Variants in ANKHD1 observed in about 807,000 individuals in gnomAD.
ANKHD1 encodes ankyrin repeat and KH domain containing 1, also known as ankyrin repeat and KH domain-containing protein 1.
In ANKHD1, 31 loss-of-function variants were observed where a neutral mutation model predicts 230.5. The ratio of observed to expected loss-of-function variants is 0.13; its 90% CI spans 0.10 to 0.18. The LOEUF (loss-of-function observed/expected upper bound fraction) is 0.18, where lower values mean the gene tolerates loss of function less well. ANKHD1 is among the 10% of genes least tolerant of loss of function. The pLI is 1.00. For missense variants in ANKHD1, 2,256 were observed against 3,071.3 expected, an observed-to-expected ratio of 0.73 and a Z score of 6.27; for synonymous variants, 1,074 against 1,117.6, an observed-to-expected ratio of 0.96 and a Z score of 0.78.
rs1356380706 is a variant in ANKHD1, at chr5:140,458,976, ATATG to A, written c.1480+115_1480+118del. 60 of 19,710 alleles carry A rather than the reference ATATG, an allele frequency of 3.0e-3. 3 individuals carry two copies. The highest frequency in any genetic ancestry group is 0.016 in the Admixed American group (23 of 1,442). The allele number at this position is 19,710 out of a possible 1,614,324, so 1.2% of individuals were successfully genotyped here. A position where few individuals can be genotyped will look rare whatever the true frequency, so the allele number is the denominator to read the frequency against. On this transcript the variant is annotated intron_variant, in intron 8 of 33. Coordinates refer to ENST00000360839, the MANE Select transcript of ANKHD1 (RefSeq NM_017747.3). ...TATATATATATATATATATATATAT[ATATG>A]CATATATATATATATGCATATATAT...
At chr5:140,489,663 T>C (rs747725690) in intron 14 of ANKHD1, among the ~76,000 whole-genome samples, 1 of 152,230 alleles carries the variant, frequency 6.6e-6, no homozygotes, top group African/African-American at 2.4e-5. Context: ...TATTTTTGCT[T>C]ACTGAAATAT....
At chr5:140,504,140 C>T (rs1209675298) in intron 15 of ANKHD1, among the ~76,000 whole-genome samples, 1 of 151,844 alleles carries the variant, frequency 6.6e-6, no homozygotes, top group Non-Finnish European at 1.5e-5. Context: ...GCAGCCTCCA[C>T]CTGGGTTCAA....
chr5:140,535,305 G>T, intron 29 of ANKHD1, 57 bp from the exon 30 acceptor site: 1 of 1,501,990 alleles, frequency 6.7e-7, no homozygotes, highest in Non-Finnish European at 8.9e-7. Flanking sequence ...AAGTCTTCTT[G>T]GGCTTTCAAT....
At chr5:140,530,248 A>G (rs920304125) in intron 29 of ANKHD1, among the ~76,000 whole-genome samples, 4 of 151,798 alleles carry the variant, frequency 2.6e-5, no homozygotes, top group Non-Finnish European at 4.4e-5. Flanking sequence ...GTCTCACTCT[A>G]TCACCCAGGC....
At chr5:140,459,138 T>C (rs771044139) in intron 8 of ANKHD1, 26 bp from the exon 9 acceptor site, 7 of 1,491,006 alleles carry the variant, frequency 4.7e-6, no homozygotes, top group African/African-American at 2.8e-5. Flanking sequence ...TTGCAACTAA[T>C]TTTATCTGTT....
At chr5:140,512,201 A>C (rs1581357657) in intron 22 of ANKHD1, among the ~76,000 whole-genome samples, 1 of 150,074 alleles carries the variant, frequency 6.7e-6, no homozygotes, top group African/African-American at 2.5e-5. Flanking sequence ...GTGCCGTGGC[A>C]CTCCAGCCGG....
At chr5:140,417,748 C>G (rs1326001618) in intron 1 of ANKHD1, among the ~76,000 whole-genome samples, 1 of 151,978 alleles carries the variant, frequency 6.6e-6, no homozygotes, top group African/African-American at 2.4e-5. Flanking sequence ...GCCACTGCAC[C>G]CAACCCAGTT....
chr5:140,513,754 A>C (rs1473399404), intron 24 of ANKHD1, among the ~76,000 whole-genome samples: 1 of 150,000 alleles, frequency 6.7e-6, no homozygotes, highest in Non-Finnish European at 1.5e-5. Context: ...GGTTGCAGTG[A>C]GTCGAGATCG....
chr5:140,427,348 C>T (rs1343481252), intron 1 of ANKHD1, among the ~76,000 whole-genome samples: 2 of 137,980 alleles, frequency 1.4e-5, no homozygotes, highest in East Asian at 4.7e-4. Context: ...CCCTCCCGGA[C>T]GGGGCGGCTG....
chr5:140,504,732 C>CT, intron 15 of ANKHD1, 89 bp from the exon 16 acceptor site: 1 of 1,510,514 alleles, frequency 6.6e-7, no homozygotes, highest in Non-Finnish European at 8.9e-7. Context: ...CATATTACTG[C>CT]TATGGAAATT....
Position 140,528,768 on chromosome 5 carries a change from T to G in ANKHD1, c.5822T>G (p.Val1941Gly). Residue 1941 changes from valine to glycine, a missense_variant, in exon 29 of 34, where the codon GTT becomes GGT. Physicochemically the swap from Val to Gly is moderately radical, Grantham distance 109. Transcript: ENST00000360839. ...TGTCCTATCACTGTCTCTTCTGTAG[T>G]TGCTGCCAGTCAGCAACTGTGTGTC... is the stretch of plus-strand genomic sequence containing the variant. ...ASCPITVSSVVAASQQLCVTN... is the reference protein window; with the variant it reads ...ASCPITVSSVGAASQQLCVTN... 1 of 1,614,170 alleles carries G rather than the reference T, an allele frequency of 6.2e-7. No individual in the cohort carries two copies. The highest frequency in any genetic ancestry group is 8.5e-7 in the Non-Finnish European group (1 of 1,180,036).
intron 31 of ANKHD1, among the ~76,000 whole-genome samples, 195 bp from the exon 32 acceptor site, chr5:140,537,891 T>A (rs1275341765): frequency 6.6e-6 from 1 of 152,138 alleles, no homozygotes; most frequent in African/African-American, 2.4e-5. Context: ...CAGGGTAAAG[T>A]GGAGTATTCA....
chr5:140,405,546 CAG>C (rs1276921831), intron 1 of ANKHD1, among the ~76,000 whole-genome samples: 1 of 152,178 alleles, frequency 6.6e-6, no homozygotes, highest in African/African-American at 2.4e-5. Flanking sequence ...GAAAAGGTAA[CAG>C]TGTTCTTCAA....
intron 1 of ANKHD1, among the ~76,000 whole-genome samples, chr5:140,414,346 T>A (rs1228501587): frequency 1.3e-5 from 2 of 152,216 alleles, no homozygotes; most frequent in Admixed American, 1.3e-4. Context: ...TTCTCCATAT[T>A]CTAGCCAACA....
intron 10 of ANKHD1, among the ~76,000 whole-genome samples, chr5:140,466,683 C>T (rs1027218731): frequency 3.3e-5 from 5 of 151,940 alleles, no homozygotes; most frequent in Non-Finnish European, 7.4e-5. Flanking sequence ...CAGTGGCTCA[C>T]GCATGTAATC....
Position 140,529,610 on chromosome 5 carries a change from G to C in ANKHD1, c.6664G>C (p.Val2222Leu). ...HFSSLFDSSQ[V>L]PANQGWGDGP... is the part of the protein sequence containing the mutation. ...CAGCAGTCTTTTTGATAGTAGTCAGGTGCCAGCTAACCAGGGCTGGGGAGA... is the reference window on the plus strand; with the variant it reads ...CAGCAGTCTTTTTGATAGTAGTCAGCTGCCAGCTAACCAGGGCTGGGGAGA... Residue 2222 changes from valine to leucine, a missense_variant, in exon 29 of 34, where the codon GTG (valine) becomes CTG (leucine). Physicochemically the swap from Val to Leu is conservative, Grantham distance 32. Around this residue, in one of 13 missense-constraint regions of ANKHD1, gnomAD observed 778 missense variants for 966.5 expected, o/e 0.80. Transcript: ENST00000360839. The C allele has an allele frequency of 6.2e-7, 1 of 1,614,186 alleles. No individual in the cohort carries two copies. The highest frequency in any genetic ancestry group is 8.5e-7 in the Non-Finnish European group (1 of 1,180,042).
At chr5:140,503,073 G>A (rs1752373734) in intron 15 of ANKHD1, among the ~76,000 whole-genome samples, 1 of 152,026 alleles carries the variant, frequency 6.6e-6, no homozygotes, top group African/African-American at 2.4e-5. Flanking sequence ...TCACACTTAC[G>A]AATAGTATCT....
chr5:140,515,332 G>A (rs1031289192), intron 24 of ANKHD1, among the ~76,000 whole-genome samples: 9 of 152,064 alleles, frequency 5.9e-5, no homozygotes, highest in East Asian at 1.9e-4. Context: ...TGCCTAAGTG[G>A]TTTTAACATT....
chr5:140,452,216 G>A lies in ANKHD1; in HGVS notation c.1242+2911G>A, dbSNP rs138170484. Among the ~76,000 whole-genome samples the A allele has an allele frequency of 4.6e-5, 7 of 152,326 alleles. No homozygotes were observed. The East Asian group carries it at 7.7e-4, about 17-fold the overall frequency. On this transcript the variant is annotated intron_variant, in intron 7 of 33. Coordinates refer to ENST00000360839, the MANE Select transcript of ANKHD1 (RefSeq NM_017747.3). ...TGAGGCTTAAGTAGGTAAACAAAGC[G>A]GCTAGGAAGCTCAAACTGGGTGGAG...
Sources: allele counts gnomAD v4.1 joint callset (sites outside exome capture counted in the v4.1 genomes callset), GRCh38; gene constraint gnomAD v4.1.1; regional missense constraint gnomAD v4.1.1; transcripts MANE v1.5; gene names NCBI Gene and HGNC (gene_info 2026-07-23, HGNC 2026-07-21).